The following JAZF1 variants were observed in gnomAD, a reference collection of about 807,000 sequenced individuals.
JAZF1 encodes juxtaposed with another zinc finger protein 1.
Under a neutral mutation model 26.4 loss-of-function variants are expected in JAZF1, and 8 were observed. That is an observed-to-expected ratio of 0.30 (90% CI 0.18 to 0.55). JAZF1 has a LOEUF of 0.55. Among genes scored for constraint, JAZF1 ranks in the 20% least tolerant of loss-of-function variants. JAZF1 has a pLI of 0.94. For missense variants in JAZF1, 199 were observed against 322.0 expected (o/e 0.62, Z 2.92); for synonymous variants, 126 against 122.3 (o/e 1.03, Z -0.20).
intron 2 of JAZF1, among the ~76,000 whole-genome samples, chr7:27,939,874 G>A (rs1714057954): frequency 6.6e-6 from 1 of 152,152 alleles, no homozygotes; most frequent in South Asian, 2.1e-4. Flanking sequence ...TGTTTATTGG[G>A]ATGAACACAT....
chr7:28,081,365 TG>T (rs2127916288), intron 1 of JAZF1, among the ~76,000 whole-genome samples: 1 of 152,170 alleles, frequency 6.6e-6, no homozygotes, highest in South Asian at 2.1e-4. Flanking sequence ...CGGGAGTGCC[TG>T]GGGGGCTGTG....
rs559947510 is a variant in JAZF1 at position 27,833,005 on chromosome 7, A to G, written c.556-29T>C. ...TGGAGAAGACAAAAATATTTATTAC[A>G]TGGATTCACAGGATACCTGTCAAAC... On this transcript the variant is annotated intron_variant, in intron 4 of 4. Transcript: ENST00000283928. The G allele has an allele frequency of 9.3e-6, 14 of 1,505,950 alleles. No homozygotes were observed. The East Asian group carries it at 2.8e-4, about 31-fold the overall frequency. The allele number at this position is 1,505,950 out of a possible 1,614,324, so 93.3% of individuals were successfully genotyped here.
At chr7:28,028,132 T>C (rs561645532) in intron 1 of JAZF1, among the ~76,000 whole-genome samples, 2 of 152,210 alleles carry the variant, frequency 1.3e-5, no homozygotes, top group Non-Finnish European at 2.9e-5. Context: ...AAGTTCAATA[T>C]GAAACAAGCA....
chr7:27,885,878 C>T (rs546440553), intron 3 of JAZF1, among the ~76,000 whole-genome samples: 2 of 152,256 alleles, frequency 1.3e-5, no homozygotes, highest in Admixed American at 6.5e-5. Flanking sequence ...AAGCAGCCCT[C>T]GCCAGGGCTG....
At chr7:28,051,507 C>T (rs1490307087) in intron 1 of JAZF1, among the ~76,000 whole-genome samples, 6 of 152,034 alleles carry the variant, frequency 3.9e-5, no homozygotes, top group African/African-American at 1.2e-4. Context: ...CCACCGCATC[C>T]GGCTGTGAGT....
intron 1 of JAZF1, among the ~76,000 whole-genome samples, chr7:28,025,348 T>TA (rs1230692871): frequency 1.3e-5 from 2 of 152,218 alleles, no homozygotes; most frequent in African/African-American, 4.8e-5. Context: ...GTGTAGGTAA[T>TA]ACGTTCTCCA....
intron 2 of JAZF1, among the ~76,000 whole-genome samples, chr7:27,987,483 G>C (rs535890373): frequency 6.6e-6 from 1 of 152,234 alleles, no homozygotes; most frequent in East Asian, 1.9e-4. Context: ...AGGAGGTTGG[G>C]GGCAGCCCCC....
At chr7:27,988,920 T>TAAAAAAAAAA (rs57661404) in intron 2 of JAZF1, among the ~76,000 whole-genome samples, 1 of 83,740 alleles carries the variant, frequency 1.2e-5, no homozygotes, top group African/African-American at 4.6e-5. Context: ...AGAATCTCTG[T>TAAAAAAAAAA]AAAAAAAAAA....
At chr7:28,014,781 TG>T (rs1782857425) in intron 1 of JAZF1, among the ~76,000 whole-genome samples, 1 of 152,230 alleles carries the variant, frequency 6.6e-6, no homozygotes, top group South Asian at 2.1e-4. Flanking sequence ...CTCTCTACTC[TG>T]GGGTTGTGAG....
intron 2 of JAZF1, among the ~76,000 whole-genome samples, chr7:27,906,469 T>C (rs1784260731): frequency 6.6e-6 from 1 of 152,222 alleles, no homozygotes; most frequent in African/African-American, 2.4e-5. Flanking sequence ...CTGAATACTA[T>C]GTCTTTGTAT....
At chr7:28,020,641 A>T (rs756607163) in intron 1 of JAZF1, 1 of 471,236 alleles carries the variant, frequency 2.1e-6, no homozygotes, top group South Asian at 1.5e-5. Flanking sequence ...ACGTTTTCTC[A>T]ACCCCAAGCT....
intron 3 of JAZF1, among the ~76,000 whole-genome samples, chr7:27,883,939 A>G (rs1783814586): frequency 6.6e-6 from 1 of 152,194 alleles, no homozygotes; most frequent in South Asian, 2.1e-4. Flanking sequence ...TCTTCAATGA[A>G]CAGGAAATTC....
chr7:28,019,194 C>T (rs1782955339), intron 1 of JAZF1, among the ~76,000 whole-genome samples: 1 of 152,176 alleles, frequency 6.6e-6, no homozygotes, highest in African/African-American at 2.4e-5. Flanking sequence ...GAAGCAAAGC[C>T]ATTCTCCTCT....
At chr7:27,864,553 G>A (rs771141094) in intron 3 of JAZF1, among the ~76,000 whole-genome samples, 5 of 152,178 alleles carry the variant, frequency 3.3e-5, no homozygotes, top group Non-Finnish European at 5.9e-5. Flanking sequence ...TCCCTGCTGA[G>A]GGCTCCGGTC....
At chr7:27,872,442 ACCTGTGCCAGCTGGAATCCTTCC>A (rs1399723657) in intron 3 of JAZF1, among the ~76,000 whole-genome samples, 4 of 152,204 alleles carry the variant, frequency 2.6e-5, no homozygotes, top group African/African-American at 9.7e-5. Flanking sequence ...CAGTAATAAA[ACCTGTGCCAGCTGGAATCCTTCC>A]CCTGTGCTCT....
At chr7:27,943,168 A>C (rs1183868634) in intron 2 of JAZF1, among the ~76,000 whole-genome samples, 1 of 152,170 alleles carries the variant, frequency 6.6e-6, no homozygotes, top group Non-Finnish European at 1.5e-5. Flanking sequence ...GAATTTTCCC[A>C]GAATAGAAGG....
At chr7:28,149,744 T>A (rs924390453) in intron 1 of JAZF1, among the ~76,000 whole-genome samples, 1 of 152,236 alleles carries the variant, frequency 6.6e-6, no homozygotes, top group African/African-American at 2.4e-5. Context: ...AACGAATGTA[T>A]CTGCTGAAAC....
chr7:28,087,926 C>G (rs1398283222), intron 1 of JAZF1, among the ~76,000 whole-genome samples: 1 of 151,444 alleles, frequency 6.6e-6, no homozygotes, highest in African/African-American at 2.4e-5. Flanking sequence ...CTTTTTTTTC[C>G]TAGTGGGAAT....
intron 1 of JAZF1, among the ~76,000 whole-genome samples, chr7:28,074,099 C>T (rs560746945): frequency 6.6e-6 from 1 of 152,262 alleles, no homozygotes; most frequent in East Asian, 1.9e-4. Context: ...TTTCTAAGTG[C>T]CTCATGTCTA....
Sources: gnomAD v4.1 joint callset for allele counts (sites outside exome capture counted in the v4.1 genomes callset) on GRCh38, gnomAD v4.1.1 for gene constraint, MANE v1.5 for transcripts, NCBI Gene and HGNC (gene_info 2026-07-23, HGNC 2026-07-21) for gene names.